The following MSTO1 variants were observed in gnomAD, a reference collection of about 807,000 sequenced individuals.
The protein encoded by MSTO1 is misato mitochondrial distribution and morphology regulator 1, also known as protein misato homolog 1.
A neutral mutation model predicts 55.7 loss-of-function variants in MSTO1; 24 were observed. That is an observed-to-expected ratio of 0.43 (90% CI 0.31 to 0.61). MSTO1 has a LOEUF of 0.61. Ranked by LOEUF, MSTO1 falls within the 20% of genes least tolerant of loss-of-function variation. The pLI is 0.09. For missense variants in MSTO1, 363 were observed against 625.7 expected, an observed-to-expected ratio of 0.58 and a Z score of 4.48; for synonymous variants, 162 against 252.8, an observed-to-expected ratio of 0.64 and a Z score of 3.41.
chr1:155,607,376 A>G (rs973894885), upstream of MSTO1, among the ~76,000 whole-genome samples: 16 of 151,298 alleles, frequency 1.1e-4, no homozygotes, highest in African/African-American at 3.9e-4. Flanking sequence ...GGTTTTCACT[A>G]TGTTGGCCAG....
At chr1:155,590,890 A>C in the MSTO1 span, 2 of 1,550,778 alleles carry the variant, frequency 1.3e-6, no homozygotes, top group Non-Finnish European at 1.8e-6. Flanking sequence ...TGAGGTGACA[A>C]AGACAATCCC....
the MSTO1 span, chr1:155,591,137 C>T: frequency 1.3e-5 from 21 of 1,613,392 alleles, no homozygotes; most frequent in Non-Finnish European, 1.8e-5. Flanking sequence ...ACCACCTGGC[C>T]ACCACGATGC....
chr1:155,568,598 C>T, the MSTO1 span, among the ~76,000 whole-genome samples: 1 of 151,598 alleles, frequency 6.6e-6, no homozygotes, highest in African/African-American at 2.4e-5. Context: ...GCCACCACAC[C>T]TGACTAATTT....
chr1:155,586,204 C>CTT, the MSTO1 span, among the ~76,000 whole-genome samples: 567 of 127,038 alleles, frequency 4.5e-3, 8 homozygotes, highest in East Asian at 0.02. Context: ...CTCTCTCTGT[C>CTT]TTTTTTTTTT....
chr1:155,582,132 T>C, the MSTO1 span, among the ~76,000 whole-genome samples: 3 of 150,446 alleles, frequency 2.0e-5, no homozygotes, highest in African/African-American at 7.3e-5. Context: ...GATCTCATGA[T>C]CGCCCGCCTC....
the MSTO1 span, among the ~76,000 whole-genome samples, chr1:155,577,312 TCTC>T: frequency 1.1e-4 from 17 of 151,896 alleles, no homozygotes. Context: ...ATGGTCTCGA[TCTC>T]CTGACCTCGT....
the MSTO1 span, among the ~76,000 whole-genome samples, chr1:155,602,468 C>T: frequency 6.6e-6 from 1 of 152,098 alleles, no homozygotes; most frequent in Non-Finnish European, 1.5e-5. Context: ...AAGAGCGAAA[C>T]TCCATCTCAA....
At chr1:155,599,425 T>G in the MSTO1 span, among the ~76,000 whole-genome samples, 1 of 152,200 alleles carries the variant, frequency 6.6e-6, no homozygotes, top group Non-Finnish European at 1.5e-5. Flanking sequence ...GTTTTTTATT[T>G]TTTGCCATCG....
the MSTO1 span, among the ~76,000 whole-genome samples, chr1:155,602,489 A>ACAG: frequency 6.6e-6 from 1 of 151,996 alleles, no homozygotes; most frequent in Non-Finnish European, 1.5e-5. Context: ...AACAACAACA[A>ACAG]CAGCAGCAAC....
the MSTO1 span, among the ~76,000 whole-genome samples, chr1:155,589,465 T>G: frequency 6.6e-6 from 1 of 151,702 alleles, no homozygotes; most frequent in Non-Finnish European, 1.5e-5. Context: ...TAGAAGTATA[T>G]ATGAAGGAGA....
At chr1:155,606,197 CCT>C (rs1672931363), upstream of MSTO1, among the ~76,000 whole-genome samples, 11 of 53,278 alleles carry the variant, frequency 2.1e-4, no homozygotes, top group African/African-American at 7.7e-4. Context: ...CCATGCCCAG[CCT>C]TTTTTTTTTT....
chr1:155,578,336 C>CTTCTTTTTTT, the MSTO1 span, among the ~76,000 whole-genome samples: 1 of 44,280 alleles, frequency 2.3e-5, no homozygotes, highest in Non-Finnish European at 3.6e-5. Flanking sequence ...AACTACCTTT[C>CTTCTTTTTTT]TTTTTTTTTT....
chr1:155,602,713 C>T, the MSTO1 span, among the ~76,000 whole-genome samples: 1 of 151,906 alleles, frequency 6.6e-6, no homozygotes, highest in Non-Finnish European at 1.5e-5. Context: ...CTCATTTATC[C>T]ATGTGAAATA....
chr1:155,588,158 G>A, the MSTO1 span, among the ~76,000 whole-genome samples: 233 of 149,436 alleles, frequency 1.6e-3, no homozygotes, highest in African/African-American at 5.6e-3. Context: ...GCAGTGAGCC[G>A]TGACTGAGCC....
chr1:155,612,911 G>T lies in MSTO1; in HGVS notation c.1034G>T (p.Arg345Leu), dbSNP rs150075701. 1 of 1,613,618 alleles carries T rather than the reference G, an allele frequency of 6.2e-7. No homozygotes were observed. Among genetic ancestry groups the T allele is most frequent in the African/African-American group, 1.3e-5 (1 of 74,888 alleles). ...TALDTVTVPY[R>L]LCSSPVSMVH... Reference sequence around the variant, plus strand: ...CTGGACACAGTCACTGTTCCTTATCGCCTGTGTTCCTCTCCAGTTTCCATG... The same window carrying T: ...CTGGACACAGTCACTGTTCCTTATCTCCTGTGTTCCTCTCCAGTTTCCATG... The change falls in exon 10 of 14, where the codon CGC (arginine) becomes CTC (leucine). Residue 345 changes from arginine to leucine, a missense_variant. Coordinates refer to ENST00000245564, the MANE Select transcript of MSTO1 (RefSeq NM_018116.4).
chr1:155,579,879 A>G, the MSTO1 span, among the ~76,000 whole-genome samples: 2 of 151,866 alleles, frequency 1.3e-5, no homozygotes, highest in Non-Finnish European at 2.9e-5. Flanking sequence ...GGAGTTTGAG[A>G]CCAGACTGGC....
upstream of MSTO1, among the ~76,000 whole-genome samples, chr1:155,609,358 G>T (rs906391209): frequency 6.8e-6 from 1 of 147,150 alleles, no homozygotes; most frequent in Admixed American, 6.9e-5. Context: ...CCATTCGCCT[G>T]CCTCAGCCTC....
chr1:155,570,131 C>A, the MSTO1 span, among the ~76,000 whole-genome samples: 1 of 152,116 alleles, frequency 6.6e-6, no homozygotes, highest in Non-Finnish European at 1.5e-5. Flanking sequence ...CAGTGGTGTA[C>A]CATTGAGTCC....
Position 155,610,262 on chromosome 1 carries a change from C to T in MSTO1, c.14C>T (p.Ala5Val), listed in dbSNP as rs141537147. The change falls in exon 1 of 14, where the codon GCC becomes GTC. Residue 5 changes from alanine to valine, a missense_variant. Ala to Val is a moderately conservative substitution (Grantham distance 64). Transcript: ENST00000245564. Reference protein sequence around the residue: MAGGAREVLTLQLGH... With the variant: MAGGVREVLTLQLGH... ...GAGCAGCGCAGTATGGCGGGCGGGG[C>T]CCGGGAGGTGCTCACACTGCAGTTG... 1.6e-3 allele frequency: 1,202 copies of T among 764,272 alleles called. 2 individuals carry two copies. Among genetic ancestry groups the T allele is most frequent in the Non-Finnish European group, 1.8e-3 (826 of 470,724 alleles). 47.3% of individuals were successfully genotyped at this position (764,272 alleles called of 1,614,324 possible).
Sources: gnomAD v4.1 joint callset for allele counts (sites outside exome capture counted in the v4.1 genomes callset) on GRCh38, gnomAD v4.1.1 for gene constraint, MANE v1.5 for transcripts, NCBI Gene and HGNC (gene_info 2026-07-23, HGNC 2026-07-21) for gene names.